The following CNIH3 variants were observed in gnomAD, a reference collection of about 807,000 sequenced individuals.
The protein encoded by CNIH3 is cornichon family AMPA receptor auxiliary protein 3.
A neutral mutation model predicts 24.1 loss-of-function variants in CNIH3; 14 were observed. The observed-to-expected ratio is 0.58, with a 90% CI of 0.38 to 0.91. The LOEUF (loss-of-function observed/expected upper bound fraction) is 0.91. Among genes scored for constraint, CNIH3 ranks in the 40% least tolerant of loss-of-function variants. The pLI is 0.00. For missense variants in CNIH3, 178 were observed against 196.8 expected, an observed-to-expected ratio of 0.90 and a Z score of 0.57; for synonymous variants, 68 against 73.8, an observed-to-expected ratio of 0.92 and a Z score of 0.40.
chr1:224,708,209 C>G (rs952701234), intron 3 of CNIH3, among the ~76,000 whole-genome samples: 1 of 152,078 alleles, frequency 6.6e-6, no homozygotes, highest in African/African-American at 2.4e-5. Flanking sequence ...CCTCACCTCT[C>G]CAATCCTCCT....
At chr1:224,492,309 G>C (rs1677263970) in intron 1 of CNIH3, among the ~76,000 whole-genome samples, 1 of 152,192 alleles carries the variant, frequency 6.6e-6, no homozygotes, top group African/African-American at 2.4e-5. Context: ...ACTGTGTGTA[G>C]GCATTCCTCC....
At chr1:224,515,009 G>C (rs919248977), upstream of CNIH3, among the ~76,000 whole-genome samples, 1 of 152,200 alleles carries the variant, frequency 6.6e-6, no homozygotes, top group Non-Finnish European at 1.5e-5. Flanking sequence ...GTTCCTCTCT[G>C]GCACATGGCC....
At chr1:224,582,452 A>G (rs1240689872) in intron 4 of CNIH3, among the ~76,000 whole-genome samples, 1 of 152,080 alleles carries the variant, frequency 6.6e-6, no homozygotes, top group African/African-American at 2.4e-5. Context: ...TGTAGCTACC[A>G]GTTAATTTTT....
At chr1:224,576,372 G>C (rs1681038174) in intron 4 of CNIH3, among the ~76,000 whole-genome samples, 1 of 152,206 alleles carries the variant, frequency 6.6e-6, no homozygotes. Flanking sequence ...AGAGCTTGAT[G>C]GGAGTCCCCC....
chr1:224,587,991 A>G (rs114772875), intron 5 of CNIH3, among the ~76,000 whole-genome samples: 183 of 152,152 alleles, frequency 1.2e-3, no homozygotes, highest in African/African-American at 4.2e-3. Context: ...ATAATTAATT[A>G]CAAGATGAGA....
chr1:224,613,266 G>A (rs1016218557), upstream of CNIH3, among the ~76,000 whole-genome samples: 8 of 152,280 alleles, frequency 5.3e-5, no homozygotes, highest in African/African-American at 1.9e-4. Flanking sequence ...CTCCCAAAGT[G>A]CTGAGATTAC....
intron 2 of CNIH3, among the ~76,000 whole-genome samples, chr1:224,530,604 T>C (rs1679024630): frequency 6.6e-6 from 1 of 151,966 alleles, no homozygotes; most frequent in South Asian, 2.1e-4. Flanking sequence ...TTTTTTTTCT[T>C]TTTTTCTTTT....
intron 1 of CNIH3, among the ~76,000 whole-genome samples, chr1:224,481,527 G>A (rs1225188519): frequency 6.6e-6 from 1 of 152,160 alleles, no homozygotes; most frequent in Non-Finnish European, 1.5e-5. Flanking sequence ...ATAACCTTGT[G>A]GTCTTGGATA....
At chr1:224,589,778 A>G (rs1041872157), downstream of CNIH3, among the ~76,000 whole-genome samples, 16 of 152,240 alleles carry the variant, frequency 1.1e-4, no homozygotes, top group African/African-American at 3.9e-4. Context: ...AGTGGAGCCC[A>G]GGGCAGGCAG....
intron 1 of CNIH3, among the ~76,000 whole-genome samples, chr1:224,520,656 G>A (rs907038075): frequency 2.6e-5 from 4 of 152,208 alleles, no homozygotes; most frequent in African/African-American, 4.8e-5. Context: ...GGAAGTGCAT[G>A]CATAGCTTGT....
At chr1:224,558,103 C>G (rs1203448668) in intron 3 of CNIH3, among the ~76,000 whole-genome samples, 1 of 152,136 alleles carries the variant, frequency 6.6e-6, no homozygotes, top group Admixed American at 6.5e-5. Context: ...GTTCTTCTGC[C>G]AGTCTTGCCT....
At chr1:224,453,817 A>G (rs999250444) in intron 1 of CNIH3, among the ~76,000 whole-genome samples, 4 of 152,136 alleles carry the variant, frequency 2.6e-5, no homozygotes, top group African/African-American at 4.8e-5. Flanking sequence ...ACAAGTTTTG[A>G]AAGATTTTCA....
chr1:224,646,879 G>A (rs1684630499), intron 1 of CNIH3, among the ~76,000 whole-genome samples: 1 of 152,182 alleles, frequency 6.6e-6, no homozygotes, highest in Non-Finnish European at 1.5e-5. Flanking sequence ...ATGACAATCT[G>A]GTGTCAGTTA....
In CNIH3 at chr1:224,710,841, A is replaced by G. The variant is rs567822839; in HGVS notation, c.199-19621A>G. Among the ~76,000 whole-genome samples, 4 of 152,300 alleles carry G rather than the reference A, an allele frequency of 2.6e-5. No homozygotes were observed. The East Asian group carries it at 5.8e-4, about 22-fold the overall frequency. On this transcript the variant is annotated intron_variant, in intron 3 of 5. Coordinates refer to ENST00000272133, the MANE Select transcript of CNIH3 (RefSeq NM_152495.2). ...TCGTCTCTTCTATGAAGCCTTTTCT[A>G]TTCCACTAAAGAAATGATCTCTGCC...
intron 1 of CNIH3, among the ~76,000 whole-genome samples, chr1:224,465,139 C>T (rs1429551033): frequency 4.7e-5 from 7 of 148,102 alleles, no homozygotes; most frequent in East Asian, 2.0e-4. Context: ...GACGGAGTTT[C>T]GCTCTTGTTG....
At chr1:224,485,830 A>G (rs1443380270) in intron 1 of CNIH3, among the ~76,000 whole-genome samples, 2 of 152,216 alleles carry the variant, frequency 1.3e-5, no homozygotes, top group Non-Finnish European at 2.9e-5. Flanking sequence ...ATAGACTGAT[A>G]CAATGAATTC....
At chr1:224,646,732 A>G (rs954492314) in intron 1 of CNIH3, among the ~76,000 whole-genome samples, 1 of 152,126 alleles carries the variant, frequency 6.6e-6, no homozygotes, top group Non-Finnish European at 1.5e-5. Flanking sequence ...TTAAAGGCAA[A>G]AGGGGACAAG....
chr1:224,529,845 G>A (rs903861389), intron 2 of CNIH3, among the ~76,000 whole-genome samples: 1 of 152,318 alleles, frequency 6.6e-6, no homozygotes, highest in East Asian at 1.9e-4. Context: ...GTACCTTCAT[G>A]CCCTTGTAGG....
In CNIH3 at chr1:224,616,933, G is replaced by A; in HGVS notation, c.-242G>A. ...CGATTTGCGGACGGTTCCCTCCAGCGACTCTCGACACACGTTTTCCTGTCT... is the reference window on the plus strand; with the variant it reads ...CGATTTGCGGACGGTTCCCTCCAGCAACTCTCGACACACGTTTTCCTGTCT... On this transcript the variant is annotated 5_prime_UTR_variant, in exon 1 of 6. Transcript: ENST00000272133. 1 of 1,346,068 alleles carries A rather than the reference G, an allele frequency of 7.4e-7. No individual in the cohort carries two copies. The highest frequency in any genetic ancestry group is 9.5e-7 in the Non-Finnish European group (1 of 1,053,856). The allele number at this position is 1,346,068 out of a possible 1,614,324, so 83.4% of individuals were successfully genotyped here.
Sources: gnomAD v4.1 joint callset for allele counts (sites outside exome capture counted in the v4.1 genomes callset) on GRCh38, gnomAD v4.1.1 for gene constraint, MANE v1.5 for transcripts, NCBI Gene and HGNC (gene_info 2026-07-23, HGNC 2026-07-21) for gene names.